Variants in SELENOT observed in about 807,000 individuals in gnomAD.
SELENOT encodes the protein thioredoxin reductase-like selenoprotein T.
SELENOT carries 9 observed loss-of-function variants against 24.3 expected under a neutral mutation model. That is an observed-to-expected ratio of 0.37 (90% CI 0.22 to 0.65). SELENOT has a LOEUF of 0.65. SELENOT is among the 30% of genes least tolerant of loss of function. The pLI is 0.60. For missense variants in SELENOT, 166 were observed against 247.6 expected (o/e 0.67, Z 2.21); for synonymous variants, 81 against 86.0 (o/e 0.94, Z 0.32).
chr3:150,630,110 G>A lies in SELENOT; in HGVS notation c.*2481G>A, dbSNP rs181888905. 3 of 152,322 alleles carry A rather than the reference G, an allele frequency of 2.0e-5. No individual in the cohort carries two copies. Among genetic ancestry groups the A allele is most frequent in the South Asian group, 4.1e-4 (2 of 4,830 alleles). The allele number at this position is 152,322 out of a possible 1,614,324, so 9.4% of individuals were successfully genotyped here. The stretch of plus-strand genomic sequence containing the variant: ...GCTTATTTCCTTTTCTAGAATATAA[G>A]TGATATTATTTGCTTATGACACTAA... On this transcript the variant is annotated 3_prime_UTR_variant, in exon 6 of 6. Transcript: ENST00000471696.
At chr3:150,606,353 G>C (rs1436375074) in intron 1 of SELENOT, among the ~76,000 whole-genome samples, 1 of 151,606 alleles carries the variant, frequency 6.6e-6, no homozygotes, top group South Asian at 2.1e-4. Flanking sequence ...TTGTTGCCCA[G>C]GCTGTGTGTA....
At chr3:150,612,258 A>G (rs1455895937) in intron 1 of SELENOT, among the ~76,000 whole-genome samples, 1 of 152,012 alleles carries the variant, frequency 6.6e-6, no homozygotes, top group Non-Finnish European at 1.5e-5. Flanking sequence ...GCACCCAGCT[A>G]ATTTTTGTAT....
chr3:150,615,275 T>C (rs1321981791), intron 1 of SELENOT, among the ~76,000 whole-genome samples: 1 of 151,890 alleles, frequency 6.6e-6, no homozygotes, highest in South Asian at 2.1e-4. Flanking sequence ...TTGTTGGACA[T>C]TTGGGTTGGT....
rs368649507 is a variant in SELENOT at position 150,627,102 on chromosome 3, C to G, written c.556C>G (p.His186Asp). The G allele has an allele frequency of 3.1e-6, 5 of 1,613,470 alleles. No homozygotes were observed. Among genetic ancestry groups the G allele is most frequent in the Admixed American group, 3.3e-5 (2 of 59,990 alleles). Residue 186 changes from histidine (H) to aspartate (D), a missense_variant, in exon 5 of 6, where the codon CAT becomes GAT. This residue lies in a region of SELENOT where 44 missense variants were observed against 72.2 expected (regional missense o/e 0.61). Transcript: ENST00000471696. ...TGACAATGAAATGAAGCTCAATGTG[C>G]ATATGGATTCAATCCCACACCATCG... ...ILDNEMKLNV[H>D]MDSIPHHRS
intron 4 of SELENOT, 181 bp from the exon 5 acceptor site, chr3:150,626,829 T>G: frequency 1.8e-6 from 1 of 568,070 alleles, no homozygotes; most frequent in Non-Finnish European, 3.1e-6. Context: ...TTTGTAGCCA[T>G]TTGTGTAGTT....
rs1438988803 is a variant in SELENOT at position 150,624,721 on chromosome 3, A to G, written c.376-91A>G. ...TTATCTGAACATATGGAATAGCAGT[A>G]ATAGTTTTTATGGGAACTTTTAAAG... On this transcript the variant is annotated intron_variant, in intron 3 of 5. Coordinates refer to ENST00000471696, the MANE Select transcript of SELENOT (RefSeq NM_016275.5). 4.1e-6 allele frequency: 3 copies of G among 734,070 alleles called. No individual in the cohort carries two copies. The African/African-American group carries it at 5.5e-5, about 13-fold the overall frequency. The allele number at this position is 734,070 out of a possible 1,614,324, so 45.5% of individuals were successfully genotyped here.
rs1363823880 is a variant in SELENOT, at chr3:150,630,151, G to A, written c.*2522G>A. 6.6e-6 allele frequency: 1 copy of A among 152,152 alleles called. No individual in the cohort carries two copies. Among genetic ancestry groups the A allele is most frequent in the East Asian group, 1.9e-4 (1 of 5,192 alleles). The allele number at this position is 152,152 out of a possible 1,614,324, so 9.4% of individuals were successfully genotyped here. On this transcript the variant is annotated 3_prime_UTR_variant, in exon 6 of 6. Transcript: ENST00000471696. ...ATGACACTAACACTATTAATGACAG[G>A]AGTCAATCAGCCTTTACAGCTATCA...
At chr3:150,603,530 C>T (rs558680596) in intron 1 of SELENOT, 31 bp downstream of exon 1, 3 of 1,551,300 alleles carry the variant, frequency 1.9e-6, no homozygotes, top group African/African-American at 1.4e-5. Flanking sequence ...CCGGCCACCC[C>T]GCCGCGCCTC....
intron 1 of SELENOT, among the ~76,000 whole-genome samples, chr3:150,612,332 ATT>A (rs1726114619): frequency 6.6e-6 from 1 of 152,110 alleles, no homozygotes; most frequent in African/African-American, 2.4e-5. Context: ...ACCCTAAGTG[ATT>A]GGCCCTCCTC....
chr3:150,623,047 A>G lies in SELENOT; in HGVS notation c.253A>G (p.Ile85Val). The change falls in exon 3 of 6, where the codon ATA becomes GTA. Residue 85 changes from isoleucine (I) to valine (V), a missense_variant. This residue lies in a region of SELENOT where 71 missense variants were observed against 89.2 expected (regional missense o/e 0.80). Coordinates refer to ENST00000471696, the MANE Select transcript of SELENOT (RefSeq NM_016275.5). ...TTCTTTCTTTTCTTTTGATAGACAC[A>G]TAGCATCTTTCCTGTCAGTCTTCAA... is the stretch of plus-strand genomic sequence containing the variant. The part of the protein sequence containing the change: ...NYLPQPIYRH[I>V]ASFLSVFKLV... 2 of 1,558,700 alleles carry G rather than the reference A, an allele frequency of 1.3e-6. No individual in the cohort carries two copies. Among genetic ancestry groups the G allele is most frequent in the Non-Finnish European group, 8.7e-7 (1 of 1,155,278 alleles).
In SELENOT at chr3:150,623,138, C is replaced by G. The variant is rs1254621360; in HGVS notation, c.344C>G (p.Pro115Arg). The part of the protein sequence containing the change: ...DPFAFFGMQA[P>R]SIWQWGQENK... ...TTTGCTTTCTTTGGCATGCAAGCTC[C>G]TAGCATCTGGCAGTGGGGCCAAGAA... Residue 115 changes from proline to arginine, a missense_variant, in exon 3 of 6, where the codon CCT becomes CGT. This residue lies in a region of SELENOT where 71 missense variants were observed against 89.2 expected (regional missense o/e 0.80). Transcript: ENST00000471696. 6.2e-7 allele frequency: 1 copy of G among 1,605,076 alleles called. No homozygotes were observed. Among genetic ancestry groups the G allele is most frequent in the Non-Finnish European group, 8.5e-7 (1 of 1,175,970 alleles).
intron 5 of SELENOT, 95 bp downstream of exon 5, chr3:150,627,258 C>A: frequency 1.0e-6 from 1 of 964,500 alleles, no homozygotes. Flanking sequence ...ACTTGAGTTT[C>A]CAATTTAAGA....
chr3:150,624,109 A>G (rs181162952), intron 3 of SELENOT, among the ~76,000 whole-genome samples: 1 of 152,264 alleles, frequency 6.6e-6, no homozygotes, highest in African/African-American at 2.4e-5. Flanking sequence ...ATTTCCTTGT[A>G]TATTGTTCCC....
chr3:150,604,740 A>G (rs1725919566), intron 1 of SELENOT, among the ~76,000 whole-genome samples: 1 of 152,158 alleles, frequency 6.6e-6, no homozygotes, highest in Admixed American at 6.5e-5. Flanking sequence ...ATTTCTCCTG[A>G]TTAAAAACAA....
chr3:150,626,266 C>T (rs1726443136), intron 4 of SELENOT, among the ~76,000 whole-genome samples: 1 of 152,120 alleles, frequency 6.6e-6, no homozygotes, highest in Non-Finnish European at 1.5e-5. Flanking sequence ...AGATAAAGAC[C>T]AGAACATTTA....
chr3:150,603,545 C>A, intron 1 of SELENOT, 46 bp downstream of exon 1: 2 of 1,540,308 alleles, frequency 1.3e-6, no homozygotes, highest in South Asian at 2.4e-5. Flanking sequence ...CGCCTCTGCT[C>A]GGCGCCATTG....
chr3:150,603,697 T>G, intron 1 of SELENOT, 198 bp downstream of exon 1: 2 of 571,578 alleles, frequency 3.5e-6, no homozygotes, highest in Non-Finnish European at 3.0e-6. Context: ...GTATAACTGC[T>G]CACTTGTTTT....
At position 150,630,375 on chromosome 3, in the gene SELENOT, G is replaced by A. The variant is rs1726533225; in HGVS notation, c.*2746G>A. The A allele has an allele frequency of 6.6e-6, 1 of 152,024 alleles. No homozygotes were observed. Among genetic ancestry groups the A allele is most frequent in the Admixed American group, 6.6e-5 (1 of 15,256 alleles). 9.4% of individuals were successfully genotyped at this position (152,024 alleles called of 1,614,324 possible). ...AGATCTTTTTGAGAGAAACAAATGA[G>A]GATTGTAAAGTTTGGGGACTTACCT... On this transcript the variant is annotated 3_prime_UTR_variant, in exon 6 of 6. Coordinates refer to ENST00000471696, the MANE Select transcript of SELENOT (RefSeq NM_016275.5).
At position 150,624,480 on chromosome 3, in the gene SELENOT, T is replaced by G. The variant is rs892814639; in HGVS notation, c.376-332T>G. Among the ~76,000 whole-genome samples, 4 of 152,308 alleles carry G rather than the reference T, an allele frequency of 2.6e-5. 1 individual carries two copies. On this transcript the variant is annotated intron_variant, in intron 3 of 5. Transcript: ENST00000471696. ...AAACATATACAGGTTGTATTGAATA[T>G]TATATGGAGTTACTAATTTTGCATC... is the stretch of plus-strand genomic sequence containing the variant.
Sources: allele counts gnomAD v4.1 joint callset (sites outside exome capture counted in the v4.1 genomes callset), GRCh38; gene constraint gnomAD v4.1.1; regional missense constraint gnomAD v4.1.1; transcripts MANE v1.5; gene names NCBI Gene and HGNC (gene_info 2026-07-23, HGNC 2026-07-21).